Variants in WWC1 observed in about 807,000 individuals in gnomAD.
WWC1 encodes the protein WW and C2 domain containing 1.
Under a neutral mutation model 138.4 loss-of-function variants are expected in WWC1, and 55 were observed. That is an observed-to-expected ratio of 0.40 (90% CI 0.32 to 0.50). The LOEUF (loss-of-function observed/expected upper bound fraction) is 0.50. Ranked by LOEUF, WWC1 falls within the 20% of genes least tolerant of loss-of-function variation. The pLI is 0.72. For missense variants in WWC1, 1,226 were observed against 1,420.4 expected (o/e 0.86, Z 2.20); for synonymous variants, 524 against 564.9 (o/e 0.93, Z 1.03).
chr5:168,457,492 A>G (rs1050087706), intron 19 of WWC1, among the ~76,000 whole-genome samples: 1 of 152,046 alleles, frequency 6.6e-6, no homozygotes, highest in Non-Finnish European at 1.5e-5. Context: ...ATAGCATTCC[A>G]CTTCCTGCCT....
rs867284755 is a variant in WWC1, at chr5:168,357,489, T to C, written c.120-13935T>C. Among the ~76,000 whole-genome samples, 8 of 65,378 alleles carry C rather than the reference T, an allele frequency of 1.2e-4. No individual in the cohort carries two copies. The East Asian group carries it at 2.5e-3, about 21-fold the overall frequency. The allele number at this position is 65,378 out of a possible 152,430, so 42.9% of individuals were successfully genotyped here. A position where few individuals can be genotyped will look rare whatever the true frequency, so the allele number is the denominator to read the frequency against. ...GTGTGTGTGTGTGTGTGTGTGTGTG[T>C]GTGTGCGCGCGCGCACGCATGCACG... On this transcript the variant is annotated intron_variant, in intron 1 of 22. Coordinates refer to ENST00000265293, the MANE Select transcript of WWC1 (RefSeq NM_015238.3).
chr5:168,424,845 TC>T (rs1340097754), intron 11 of WWC1, among the ~76,000 whole-genome samples: 2 of 152,182 alleles, frequency 1.3e-5, no homozygotes, highest in Admixed American at 1.3e-4. Flanking sequence ...ATGATCTGAC[TC>T]CCATTCTGCA....
intron 1 of WWC1, among the ~76,000 whole-genome samples, chr5:168,319,953 A>G (rs1048556503): frequency 2.0e-5 from 3 of 151,806 alleles, no homozygotes; most frequent in African/African-American, 2.4e-5. Context: ...TAGCCAACCT[A>G]ATGGGTATGA....
chr5:168,381,877 G>A (rs1777663054), intron 2 of WWC1, among the ~76,000 whole-genome samples: 1 of 151,238 alleles, frequency 6.6e-6, no homozygotes. Context: ...GAGAATGTGG[G>A]GGGAGGCACT....
intron 19 of WWC1, among the ~76,000 whole-genome samples, chr5:168,459,544 A>G (rs892284948): frequency 6.6e-6 from 1 of 152,124 alleles, no homozygotes; most frequent in African/African-American, 2.4e-5. Context: ...TTGTCTGAGG[A>G]TTAAATGAAA....
At chr5:168,293,609 G>T (rs1221507000) in intron 1 of WWC1, among the ~76,000 whole-genome samples, 1 of 152,206 alleles carries the variant, frequency 6.6e-6, no homozygotes, top group Non-Finnish European at 1.5e-5. Flanking sequence ...TTTAGTGCTA[G>T]AGAGCATCTC....
chr5:168,450,410 G>A (rs796880317), intron 17 of WWC1, among the ~76,000 whole-genome samples: 7 of 152,272 alleles, frequency 4.6e-5, no homozygotes, highest in African/African-American at 1.7e-4. Flanking sequence ...ACTCACGCCT[G>A]TAATTTCAGC....
rs1220309495 is a variant in WWC1 at position 168,444,558 on chromosome 5, G to A, written c.2498G>A (p.Ser833Asn). The A allele has an allele frequency of 1.9e-6, 3 of 1,612,040 alleles. No individual in the cohort carries two copies. Among genetic ancestry groups the A allele is most frequent in the East Asian group, 2.2e-5 (1 of 44,856 alleles). ...VELEKRQEGRSSTQTLEDSWR... is the reference protein window; with the variant it reads ...VELEKRQEGRNSTQTLEDSWR... The stretch of plus-strand genomic sequence containing the variant: ...CTGGAGAAGAGGCAGGAGGGCAGGA[G>A]CAGCACACAGACACTGGAAGACAGC... The change falls in exon 17 of 23, where the codon AGC (serine) becomes AAC (asparagine). Residue 833 changes from serine to asparagine, a missense_variant. Ser to Asn is a conservative substitution (Grantham distance 46, BLOSUM62 1). Transcript: ENST00000265293.
At chr5:168,459,058 A>G (rs568120398) in intron 19 of WWC1, among the ~76,000 whole-genome samples, 3 of 152,178 alleles carry the variant, frequency 2.0e-5, no homozygotes, top group African/African-American at 7.2e-5. Flanking sequence ...GTTTGAGACC[A>G]GCCTGGGCAA....
intron 1 of WWC1, among the ~76,000 whole-genome samples, chr5:168,315,434 G>A (rs1246587830): frequency 1.3e-5 from 2 of 151,910 alleles, no homozygotes; most frequent in East Asian, 3.9e-4. Flanking sequence ...TGTCAACACC[G>A]TGTGCCCGCT....
rs1754799637 is a variant in WWC1 at position 168,441,839 on chromosome 5, G to A, written c.2433+5G>A. On this transcript the variant is annotated splice_donor_5th_base_variant and intron_variant, in intron 16 of 22. Coordinates refer to ENST00000265293, the MANE Select transcript of WWC1 (RefSeq NM_015238.3). ...GCCTCAGGGCCTGCCAGCACGGTGAGCTGGGACCAGGTGTGCCACCTTCCC... is the reference window on the plus strand; with the variant it reads ...GCCTCAGGGCCTGCCAGCACGGTGAACTGGGACCAGGTGTGCCACCTTCCC... 4 of 1,612,628 alleles carry A rather than the reference G, an allele frequency of 2.5e-6. No individual in the cohort carries two copies. The highest frequency in any genetic ancestry group is 8.5e-7 in the Non-Finnish European group (1 of 1,179,336).
intron 17 of WWC1, among the ~76,000 whole-genome samples, chr5:168,446,914 A>G (rs1264804101): frequency 6.6e-6 from 1 of 152,252 alleles, no homozygotes; most frequent in Non-Finnish European, 1.5e-5. Context: ...TTTGGAAGGA[A>G]AAATAAGTTG....
intron 11 of WWC1, among the ~76,000 whole-genome samples, chr5:168,424,362 A>G (rs1158974652): frequency 6.6e-6 from 1 of 152,206 alleles, no homozygotes; most frequent in Non-Finnish European, 1.5e-5. Context: ...TCTATTCATG[A>G]TTATAGATAT....
chr5:168,450,670 A>C (rs1329539792), intron 17 of WWC1, among the ~76,000 whole-genome samples: 4 of 152,168 alleles, frequency 2.6e-5, no homozygotes, highest in Admixed American at 2.0e-4. Context: ...CATCTCAAAA[A>C]AATAAAATAA....
intron 1 of WWC1, among the ~76,000 whole-genome samples, chr5:168,344,558 G>C (rs1385393560): frequency 6.6e-6 from 1 of 152,218 alleles, no homozygotes; most frequent in African/African-American, 2.4e-5. Context: ...ATAGTACACA[G>C]TTTCCTGAAC....
Position 168,408,535 on chromosome 5 carries a change from G to A in WWC1, c.749G>A (p.Arg250His), listed in dbSNP as rs369249911. ...KSLAMLKDGF[R>H]TDRGSHSDLW... is the part of the protein sequence containing the mutation. ...CTTGCCATGTTGAAGGACGGCTTCCGCACTGACAGGGGGTCTCACTCAGAC... is the reference window on the plus strand; with the variant it reads ...CTTGCCATGTTGAAGGACGGCTTCCACACTGACAGGGGGTCTCACTCAGAC... The change falls in exon 7 of 23, where the codon CGC becomes CAC. Residue 250 changes from arginine to histidine, a missense_variant. By Grantham distance (29) the Arg-to-His change is conservative (BLOSUM62 0). Around this residue, in one of 3 missense-constraint regions of WWC1, gnomAD observed 1,016 missense variants for 1,153.9 expected, o/e 0.88. Transcript: ENST00000265293. The A allele has an allele frequency of 6.8e-6, 11 of 1,613,932 alleles. 1 individual carries two copies. Among genetic ancestry groups the A allele is most frequent in the South Asian group, 4.4e-5 (4 of 91,048 alleles).
intron 15 of WWC1, among the ~76,000 whole-genome samples, chr5:168,440,923 GATAAGCAAAAT>G: frequency 6.6e-6 from 1 of 152,162 alleles, no homozygotes; most frequent in East Asian, 1.9e-4. Flanking sequence ...CAGATGGCTG[GATAAGCAAAAT>G]GTAGCATACC....
chr5:168,339,708 G>A (rs895638221), intron 1 of WWC1, among the ~76,000 whole-genome samples: 3 of 152,166 alleles, frequency 2.0e-5, no homozygotes, highest in Admixed American at 6.5e-5. Context: ...TGAGTATTCA[G>A]TTACTTACAT....
intron 1 of WWC1, among the ~76,000 whole-genome samples, chr5:168,354,364 A>G (rs1775234013): frequency 6.6e-6 from 1 of 151,700 alleles, no homozygotes; most frequent in African/African-American, 2.4e-5. Flanking sequence ...GTGCTTTTTC[A>G]TTTTTTGTTT....
Sources: allele counts gnomAD v4.1 joint callset (sites outside exome capture counted in the v4.1 genomes callset), GRCh38; gene constraint gnomAD v4.1.1; regional missense constraint gnomAD v4.1.1; transcripts MANE v1.5; gene names NCBI Gene and HGNC (gene_info 2026-07-23, HGNC 2026-07-21).